RAD51B: variants seen among roughly 807,000 people sequenced by gnomAD.
RAD51B encodes the protein RAD51 paralog B.
In RAD51B, 38 loss-of-function variants were observed where a neutral mutation model predicts 42.2. The observed-to-expected ratio is 0.90, with a 90% confidence interval of 0.70 to 1.18. The LOEUF (loss-of-function observed/expected upper bound fraction) is 1.18, where lower values mean the gene tolerates loss of function less well. Ranked by LOEUF, RAD51B falls within the 50% of genes most tolerant of loss-of-function variation. RAD51B has a pLI of 0.00. For synonymous variants in RAD51B, 154 were observed against 145.2 expected (o/e 1.06, Z -0.43); for missense variants, 373 against 400.7 (o/e 0.93, Z 0.59).
intron 4 of RAD51B, among the ~76,000 whole-genome samples, chr14:67,839,186 C>G (rs554608480): frequency 6.6e-6 from 1 of 152,088 alleles, no homozygotes; most frequent in South Asian, 2.1e-4. Flanking sequence ...TTATCTTATA[C>G]TAGTTTGGTA....
chr14:68,335,252 G>C lies in RAD51B; in HGVS notation c.853+43272G>C, dbSNP rs1476845810. 7.9e-5 allele frequency among the ~76,000 whole-genome samples: 11 copies of C among 138,816 alleles called. No homozygotes were observed. In the Admixed American group the frequency reaches 8.5e-4, roughly 11 times the overall value. The allele number at this position is 138,816 out of a possible 152,430, so 91.1% of individuals were successfully genotyped here. ...GTGGAGGTTGTAGTGAGCCGAGATC[G>C]CACCACTGCACTCCAGCCTGGGTGA... is the stretch of plus-strand genomic sequence containing the variant. On this transcript the variant is annotated intron_variant, in intron 8 of 10. Coordinates refer to ENST00000471583, the MANE Select transcript of RAD51B (RefSeq NM_133510.4).
At chr14:68,113,021 G>A (rs2077483672) in intron 7 of RAD51B, among the ~76,000 whole-genome samples, 1 of 151,942 alleles carries the variant, frequency 6.6e-6, no homozygotes, top group Admixed American at 6.6e-5. Context: ...TCTAATTTTT[G>A]CCTGAAAATA....
At chr14:68,593,025 A>G (rs1390080352) in intron 10 of RAD51B, among the ~76,000 whole-genome samples, 1 of 152,238 alleles carries the variant, frequency 6.6e-6, no homozygotes, top group Non-Finnish European at 1.5e-5. Flanking sequence ...TCTCTAGAGA[A>G]GGAACCTAGG....
chr14:68,493,619 CTGTA>C (rs1312306692), intron 10 of RAD51B, among the ~76,000 whole-genome samples: 1 of 152,228 alleles, frequency 6.6e-6, no homozygotes, highest in Non-Finnish European at 1.5e-5. Context: ...GCTATTTACA[CTGTA>C]TGGGGACAAA....
intron 8 of RAD51B, among the ~76,000 whole-genome samples, chr14:68,376,238 T>G (rs2083366978): frequency 6.6e-6 from 1 of 152,208 alleles, no homozygotes; most frequent in Non-Finnish European, 1.5e-5. Context: ...CAAACCATCC[T>G]GACTTCCCAT....
intron 7 of RAD51B, among the ~76,000 whole-genome samples, chr14:68,224,428 G>A (rs1566740705): frequency 6.6e-6 from 1 of 151,912 alleles, no homozygotes; most frequent in South Asian, 2.1e-4. Flanking sequence ...CTTCTGCTTG[G>A]CATATCTTCT....
chr14:68,342,259 A>G (rs1181143476), intron 8 of RAD51B, among the ~76,000 whole-genome samples: 2 of 152,202 alleles, frequency 1.3e-5, no homozygotes, highest in Admixed American at 1.3e-4. Flanking sequence ...ATTAAATTCT[A>G]TCCTATCTAC....
At chr14:68,082,978 A>C (rs949922671) in intron 7 of RAD51B, among the ~76,000 whole-genome samples, 3 of 152,210 alleles carry the variant, frequency 2.0e-5, no homozygotes, top group African/African-American at 7.2e-5. Flanking sequence ...TAAAACCTAT[A>C]TATTGGAATT....
rs116760456 is a variant in RAD51B, at chr14:67,913,180, C to T, written c.756+25976C>T. ...CAGTTTCTTGGTAGTTATCCCCTAC[C>T]ATTTCCACTGCTGTCACCCTAGTTT... On this transcript the variant is annotated intron_variant, in intron 7 of 10. Coordinates refer to ENST00000471583, the MANE Select transcript of RAD51B (RefSeq NM_133510.4). 8.9e-3 allele frequency among the ~76,000 whole-genome samples: 1,349 copies of T among 152,240 alleles called. 21 individuals carry two copies. The highest frequency in any genetic ancestry group is 0.031 in the African/African-American group (1,269 of 41,526).
chr14:68,610,979 A>G lies in RAD51B; in HGVS notation c.1037-27A>G, dbSNP rs757711073. The stretch of plus-strand genomic sequence containing the variant: ...TTTAATAAAAGTTTGTTGCATTTAA[A>G]TCTGATCTTATTCTCTCATTTCACA... On this transcript the variant is annotated intron_variant, in intron 10 of 10. Coordinates refer to the RAD51B transcript ENST00000487861. 8 of 700,876 alleles carry G rather than the reference A, an allele frequency of 1.1e-5. No homozygotes were observed. In the East Asian group the frequency reaches 1.9e-4, roughly 16 times the overall value. 43.4% of individuals were successfully genotyped at this position (700,876 alleles called of 1,614,324 possible).
exon 11 of RAD51B, chr14:68,595,421 CTG>C: frequency 9.4e-7 from 1 of 1,066,486 alleles, no homozygotes; most frequent in Non-Finnish European, 1.1e-6. Flanking sequence ...TTGAGTATAA[CTG>C]TCTTTTTACA....
At position 68,019,712 on chromosome 14, in the gene RAD51B, C is replaced by G. The variant is rs148970611; in HGVS notation, c.756+132508C>G. Among the ~76,000 whole-genome samples, 4 of 152,168 alleles carry G rather than the reference C, an allele frequency of 2.6e-5. No individual in the cohort carries two copies. In the East Asian group the frequency reaches 5.8e-4, roughly 22 times the overall value. On this transcript the variant is annotated intron_variant, in intron 7 of 10. Transcript: ENST00000471583. ...ATTCCCAGTATATGCCAAGGGATGACTGTGATTTTATCAGTTAAGATTAGG... is the reference window on the plus strand; with the variant it reads ...ATTCCCAGTATATGCCAAGGGATGAGTGTGATTTTATCAGTTAAGATTAGG...
chr14:68,128,244 G>A (rs73286288), intron 7 of RAD51B, among the ~76,000 whole-genome samples: 2,157 of 152,174 alleles, frequency 0.014, 52 homozygotes, highest in African/African-American at 0.048. Context: ...AATCCTTTTT[G>A]TGTCTCTATC....
chr14:68,184,304 C>T (rs536302166), intron 7 of RAD51B, among the ~76,000 whole-genome samples: 8 of 152,150 alleles, frequency 5.3e-5, no homozygotes, highest in Non-Finnish European at 8.8e-5. Flanking sequence ...GGTGCAATCA[C>T]AGCTCACTAC....
At position 68,485,409 on chromosome 14, in the gene RAD51B, A is replaced by C. The variant is rs568264924; in HGVS notation, c.1036+17159A>C. On this transcript the variant is annotated intron_variant, in intron 10 of 10. Transcript: ENST00000487270. ...TTTATTTAAGAATATACAGAAGATT[A>C]GGGAAGGTGTGTAATGAAAAGAGGA... Among the ~76,000 whole-genome samples, 5 of 152,344 alleles carry C rather than the reference A, an allele frequency of 3.3e-5. No individual in the cohort carries two copies. The East Asian group carries it at 7.7e-4, about 23-fold the overall frequency.
At chr14:68,218,706 A>T (rs1339238350) in intron 7 of RAD51B, among the ~76,000 whole-genome samples, 1 of 152,240 alleles carries the variant, frequency 6.6e-6, no homozygotes, top group Admixed American at 6.5e-5. Context: ...ATATCAGAAA[A>T]CTTATACTTC....
chr14:68,484,639 G>A (rs1883488222), intron 10 of RAD51B, among the ~76,000 whole-genome samples: 1 of 152,106 alleles, frequency 6.6e-6, no homozygotes, highest in Non-Finnish European at 1.5e-5. Context: ...TTACAGGCGT[G>A]AGCCACCGTG....
chr14:68,653,562 C>T (rs958687062), intron 11 of RAD51B, among the ~76,000 whole-genome samples: 1 of 152,312 alleles, frequency 6.6e-6, no homozygotes, highest in East Asian at 1.9e-4. Context: ...AGAAGCATCC[C>T]TGGCCTCCAC....
chr14:68,193,441 C>T (rs2079306756), intron 7 of RAD51B, among the ~76,000 whole-genome samples: 1 of 152,102 alleles, frequency 6.6e-6, no homozygotes, highest in African/African-American at 2.4e-5. Context: ...CAAGCAGCCT[C>T]CAGATAATTG....
Sources: allele counts gnomAD v4.1 joint callset (sites outside exome capture counted in the v4.1 genomes callset), GRCh38; gene constraint gnomAD v4.1.1; transcripts MANE v1.5; gene names NCBI Gene and HGNC (gene_info 2026-07-23, HGNC 2026-07-21).